The following MGAT5 variants were observed in gnomAD, a reference collection of about 807,000 sequenced individuals.
The protein encoded by MGAT5 is alpha-1,6-mannosylglycoprotein 6-beta-N-acetylglucosaminyltransferase.
In MGAT5, 30 loss-of-function variants were observed where a neutral mutation model predicts 94.3. The observed-to-expected ratio is 0.32, with a 90% CI of 0.24 to 0.43. The LOEUF is 0.43. MGAT5 is among the 20% of genes least tolerant of loss of function. The probability of loss-of-function intolerance (pLI) is 1.00; values close to 1 mark genes in which losing one functional copy is unlikely to be tolerated. For synonymous variants in MGAT5, 310 were observed against 322.9 expected (o/e 0.96, Z 0.43); for missense variants, 691 against 905.5 (o/e 0.76, Z 3.04).
chr2:134,372,020 C>T (rs1680838504), intron 10 of MGAT5, among the ~76,000 whole-genome samples: 1 of 151,814 alleles, frequency 6.6e-6, no homozygotes, highest in Non-Finnish European at 1.5e-5. Flanking sequence ...GCCAGGGCCT[C>T]TTGTCACCCT....
intron 12 of MGAT5, among the ~76,000 whole-genome samples, chr2:134,416,681 A>C (rs909572297): frequency 6.6e-6 from 1 of 151,692 alleles, no homozygotes; most frequent in African/African-American, 2.4e-5. Flanking sequence ...TGTATTAACT[A>C]GGCTGATCTT....
chr2:134,345,305 T>C (rs186768095), intron 8 of MGAT5, among the ~76,000 whole-genome samples: 113 of 152,328 alleles, frequency 7.4e-4, no homozygotes, highest in African/African-American at 2.5e-3. Context: ...TGTTAATACT[T>C]AGCCTTCCTC....
At chr2:134,217,172 G>A (rs1306759315) in intron 1 of MGAT5, among the ~76,000 whole-genome samples, 2 of 151,620 alleles carry the variant, frequency 1.3e-5, no homozygotes, top group African/African-American at 4.9e-5. Context: ...CATAACTTAC[G>A]CTATTGCTGG....
At chr2:134,236,538 C>T (rs1418282887) in intron 1 of MGAT5, among the ~76,000 whole-genome samples, 1 of 152,144 alleles carries the variant, frequency 6.6e-6, no homozygotes, top group Non-Finnish European at 1.5e-5. Flanking sequence ...TTTATAGGGA[C>T]CTTCCCCCCC....
intron 10 of MGAT5, among the ~76,000 whole-genome samples, chr2:134,382,493 G>C (rs979680626): frequency 1.3e-5 from 2 of 152,132 alleles, no homozygotes; most frequent in Non-Finnish European, 2.9e-5. Context: ...GTCAAAAGCA[G>C]TACCACCCTT....
At chr2:134,441,547 G>C (rs1460180088) in intron 14 of MGAT5, among the ~76,000 whole-genome samples, 1 of 152,218 alleles carries the variant, frequency 6.6e-6, no homozygotes, top group Non-Finnish European at 1.5e-5. Context: ...CCTGTCTTGA[G>C]GTTGAGTAAG....
chr2:134,174,472 G>A (rs985743979), intron 1 of MGAT5, among the ~76,000 whole-genome samples: 2 of 152,254 alleles, frequency 1.3e-5, no homozygotes, highest in African/African-American at 4.8e-5. Flanking sequence ...CAGCATATGA[G>A]CTGAATGAGT....
intron 2 of MGAT5, among the ~76,000 whole-genome samples, chr2:134,295,291 T>C (rs1685609168): frequency 6.6e-6 from 1 of 152,150 alleles, no homozygotes; most frequent in Admixed American, 6.5e-5. Context: ...ATAGCCATAA[T>C]AGAACTGGAT....
chr2:134,226,330 A>G (rs1268075455), intron 1 of MGAT5, among the ~76,000 whole-genome samples: 1 of 152,256 alleles, frequency 6.6e-6, no homozygotes, highest in African/African-American at 2.4e-5. Flanking sequence ...TGCAATAACC[A>G]TATAACATAT....
At chr2:134,231,797 C>T (rs898526388) in intron 1 of MGAT5, among the ~76,000 whole-genome samples, 3 of 152,106 alleles carry the variant, frequency 2.0e-5, no homozygotes, top group Non-Finnish European at 4.4e-5. Flanking sequence ...CAGACCAGGG[C>T]GGGGCCAAGT....
intron 1 of MGAT5, among the ~76,000 whole-genome samples, chr2:134,229,038 C>G (rs987296267): frequency 6.6e-6 from 1 of 152,154 alleles, no homozygotes; most frequent in Non-Finnish European, 1.5e-5. Context: ...ATCTTGTTAG[C>G]AGAATCCCAG....
At chr2:134,391,217 G>A (rs562402494) in intron 10 of MGAT5, among the ~76,000 whole-genome samples, 135 of 152,068 alleles carry the variant, frequency 8.9e-4, no homozygotes, top group Non-Finnish European at 1.7e-3. Flanking sequence ...AGGTGGTGCC[G>A]TTAGTGATCT....
intron 2 of MGAT5, among the ~76,000 whole-genome samples, chr2:134,297,783 T>C (rs1483833930): frequency 6.6e-6 from 1 of 152,016 alleles, no homozygotes; most frequent in Non-Finnish European, 1.5e-5. Flanking sequence ...ATTAGGAAAA[T>C]GGCAAGGCTG....
chr2:134,182,551 G>T (rs535788243), intron 1 of MGAT5, among the ~76,000 whole-genome samples: 48 of 152,208 alleles, frequency 3.2e-4, no homozygotes, highest in Non-Finnish European at 5.9e-4. Context: ...CACATCATTG[G>T]TATGCAGCAT....
chr2:134,320,676 C>A (rs1044288539), intron 4 of MGAT5, among the ~76,000 whole-genome samples: 3 of 152,126 alleles, frequency 2.0e-5, no homozygotes, highest in African/African-American at 4.8e-5. Context: ...TGATGCCATG[C>A]AGGAAGGAGA....
At chr2:134,196,917 G>A (rs1679522254) in intron 1 of MGAT5, among the ~76,000 whole-genome samples, 1 of 152,198 alleles carries the variant, frequency 6.6e-6, no homozygotes, top group Non-Finnish European at 1.5e-5. Flanking sequence ...AGTTTAACAG[G>A]AATATGTGTG....
intron 1 of MGAT5, among the ~76,000 whole-genome samples, chr2:134,258,300 T>A (rs1683111199): frequency 6.6e-6 from 1 of 152,266 alleles, no homozygotes; most frequent in South Asian, 2.1e-4. Context: ...CAATCAGCAG[T>A]CACCATGGTT....
At chr2:134,371,886 C>G (rs188160814) in intron 10 of MGAT5, among the ~76,000 whole-genome samples, 261 of 150,344 alleles carry the variant, frequency 1.7e-3, no homozygotes, top group Non-Finnish European at 2.8e-3. Flanking sequence ...CAGGGAGATT[C>G]AGGAAAGCTG....
At chr2:134,235,000 A>T (rs1429463712) in intron 1 of MGAT5, among the ~76,000 whole-genome samples, 1 of 139,688 alleles carries the variant, frequency 7.2e-6, no homozygotes, top group Non-Finnish European at 1.6e-5. Flanking sequence ...TTTTTTTTTT[A>T]ATCTAAATTA....
Sources: allele counts gnomAD v4.1 joint callset (sites outside exome capture counted in the v4.1 genomes callset), GRCh38; gene constraint gnomAD v4.1.1; transcripts MANE v1.5; gene names NCBI Gene and HGNC (gene_info 2026-07-23, HGNC 2026-07-21).